Variants in ZNF878 observed in about 807,000 individuals in gnomAD.
ZNF878 encodes the protein zinc finger protein 878.
ZNF878 carries 10 observed loss-of-function variants against 11.1 expected under a neutral mutation model. The observed-to-expected ratio is 0.90, with a 90% CI of 0.56 to 1.53. The LOEUF (loss-of-function observed/expected upper bound fraction) is 1.53. ZNF878 is among the 40% of genes most tolerant of loss of function. ZNF878 has a pLI of 0.00. For synonymous variants in ZNF878, 165 were observed against 209.7 expected (o/e 0.79, Z 1.84); for missense variants, 548 against 626.1 (o/e 0.88, Z 1.33).
chr19:12,045,970 C>T lies in ZNF878; in HGVS notation c.191+398G>A, dbSNP rs140047206. The T allele has an allele frequency of 8.8e-3, 1,407 of 160,294 alleles. 14 individuals are homozygous for T. Among genetic ancestry groups the T allele is most frequent in the African/African-American group, 0.029 (1,215 of 41,694 alleles). The allele number at this position is 160,294 out of a possible 1,614,324, so 9.9% of individuals were successfully genotyped here. On this transcript the variant is annotated intron_variant, in intron 3 of 3. Coordinates refer to ENST00000547628, the MANE Select transcript of ZNF878 (RefSeq NM_001080404.3). The stretch of plus-strand genomic sequence containing the variant: ...TCTTGACCTCATGATCCACCCACCT[C>T]AGCCTTCCAAAGTGCTGGGATTACA...
At chr19:12,047,681 G>T (rs1056368681) in intron 1 of ZNF878, among the ~76,000 whole-genome samples, 6 of 152,028 alleles carry the variant, frequency 3.9e-5, no homozygotes, top group Non-Finnish European at 7.4e-5. Flanking sequence ...AACTGGGCTG[G>T]ACACAGTGGC....
At chr19:12,049,468 A>AAAAAAAAAAG in intron 1 of ZNF878, among the ~76,000 whole-genome samples, 2 of 146,874 alleles carry the variant, frequency 1.4e-5, no homozygotes, top group East Asian at 2.0e-4. Context: ...CTCAAAAAAA[A>AAAAAAAAAAG]AAAAAAAAAA....
At chr19:12,046,898 C>A in intron 1 of ZNF878, 138 bp from the exon 2 acceptor site, 1 of 1,308,890 alleles carries the variant, frequency 7.6e-7, no homozygotes, top group South Asian at 1.4e-5. Context: ...TCATCAGATC[C>A]CTTACTCTGT....
Position 12,044,929 on chromosome 19 carries a change from C to T in ZNF878, c.472G>A (p.Val158Ile), listed in dbSNP as rs1168872205. Residue 158 changes from valine (V) to isoleucine (I), a missense_variant, in exon 4 of 4, where the codon GTT becomes ATT. Physicochemically the swap from Val to Ile is conservative, Grantham distance 29 (BLOSUM62 3). Around this residue, in one of 3 missense-constraint regions of ZNF878, gnomAD observed 53 missense variants for 94.6 expected, o/e 0.56. Transcript: ENST00000547628. Reference sequence around the variant, plus strand: ...GAGTGGATTCTTTCATGTCTACGAACAGAACTGGGAAACCTGAATGCTTTC... The same window carrying T: ...GAGTGGATTCTTTCATGTCTACGAATAGAACTGGGAAACCTGAATGCTTTC... ...CGKAFRFPSS[V>I]RRHERIHSAK... 6.2e-7 allele frequency: 1 copy of T among 1,613,990 alleles called. No individual in the cohort carries two copies. Among genetic ancestry groups the T allele is most frequent in the East Asian group, 2.2e-5 (1 of 44,860 alleles).
At chr19:12,052,062 A>ATCCC (rs1301447679) in intron 1 of ZNF878, among the ~76,000 whole-genome samples, 1 of 152,138 alleles carries the variant, frequency 6.6e-6, no homozygotes, top group African/African-American at 2.4e-5. Context: ...CACCTACAGA[A>ATCCC]TCCCTCCACC....
chr19:12,047,189 G>C (rs1975501932), intron 1 of ZNF878, among the ~76,000 whole-genome samples: 1 of 152,184 alleles, frequency 6.6e-6, no homozygotes, highest in Admixed American at 6.5e-5. Flanking sequence ...TGACTAGAAA[G>C]TGGGTTTTCT....
At chr19:12,050,921 C>G (rs1363299976) in intron 1 of ZNF878, among the ~76,000 whole-genome samples, 4 of 151,356 alleles carry the variant, frequency 2.6e-5, no homozygotes, top group Non-Finnish European at 4.4e-5. Context: ...GGTGAAACCC[C>G]GTCTCTACTA....
rs757038638 is a variant in ZNF878 at position 12,045,127 on chromosome 19, G to C, written c.274C>G (p.Leu92Val). 1.2e-6 allele frequency: 2 copies of C among 1,613,154 alleles called. No homozygotes were observed. The highest frequency in any genetic ancestry group is 2.2e-5 in the East Asian group (1 of 44,878). Residue 92 changes from leucine (L) to valine (V), a missense_variant, in exon 4 of 4, where the codon CTG becomes GTG. Leu to Val is a conservative substitution (Grantham distance 32). This residue lies in a region of ZNF878 where 160 missense variants were observed against 173.3 expected (regional missense o/e 0.92). Transcript: ENST00000547628. ...TGTACTCCAGGAGTTTTCTTCTTCA[G>C]TGTGTCATCTGGAACCTGTGTCAAA... ...EVLTQVPDDT[L>V]KKKTPGVQSY...
chr19:12,048,335 C>T (rs1316771173), intron 1 of ZNF878, among the ~76,000 whole-genome samples: 1 of 150,570 alleles, frequency 6.6e-6, no homozygotes, highest in Non-Finnish European at 1.5e-5. Flanking sequence ...TGGCTAACAC[C>T]GTGAAACCGC....
chr19:12,050,886 A>G (rs1975543264), intron 1 of ZNF878, among the ~76,000 whole-genome samples: 1 of 150,366 alleles, frequency 6.7e-6, no homozygotes, highest in Non-Finnish European at 1.5e-5. Flanking sequence ...CGAGGTCAGG[A>G]GATCGAGACC....
In ZNF878 at chr19:12,050,150, G is replaced by A. The variant is rs1458856671; in HGVS notation, c.3+2649C>T. Among the ~76,000 whole-genome samples, 7 of 152,104 alleles carry A rather than the reference G, an allele frequency of 4.6e-5. No individual in the cohort carries two copies. The East Asian group carries it at 7.7e-4, about 17-fold the overall frequency. On this transcript the variant is annotated intron_variant, in intron 1 of 3. Coordinates refer to ENST00000547628, the MANE Select transcript of ZNF878 (RefSeq NM_001080404.3). ...TGAAGCAGGAGAATCGATTGAACCC[G>A]GGAGGTGGAGTTTGCAGTGAGCCAA...
rs1446384893 is a variant in ZNF878 at position 12,044,623 on chromosome 19, A to G, written c.778T>C (p.Cys260Arg). 15 of 1,613,986 alleles carry G rather than the reference A, an allele frequency of 9.3e-6. No individual in the cohort carries two copies. Among genetic ancestry groups the G allele is most frequent in the African/African-American group, 1.3e-5 (1 of 74,986 alleles). Residue 260 changes from cysteine (C) to arginine (R), a missense_variant, in exon 4 of 4, where the codon TGT becomes CGT. Coordinates refer to ENST00000547628, the MANE Select transcript of ZNF878 (RefSeq NM_001080404.3). ...TGEKRYKCKQ[C>R]DKAFNCPSSF... ...CTGGGACAATTGAAGGCTTTATCAC[A>G]TTGCTTGCATTTATAGCGTTTCTCT...
At chr19:12,051,707 A>G (rs1218970003) in intron 1 of ZNF878, among the ~76,000 whole-genome samples, 1 of 152,202 alleles carries the variant, frequency 6.6e-6, no homozygotes, top group Non-Finnish European at 1.5e-5. Context: ...GAGGAGTTCA[A>G]GACCAGCCTG....
chr19:12,049,889 G>T (rs1599391681), intron 1 of ZNF878, among the ~76,000 whole-genome samples: 1 of 151,946 alleles, frequency 6.6e-6, no homozygotes, highest in East Asian at 1.9e-4. Context: ...CCTGGGTGGT[G>T]TTCCCAAGTA....
At chr19:12,049,475 A>AAAAAAAAAAAAAAAAAAAAAAAAC in intron 1 of ZNF878, among the ~76,000 whole-genome samples, 1 of 148,068 alleles carries the variant, frequency 6.8e-6, no homozygotes, top group Non-Finnish European at 1.5e-5. Flanking sequence ...AAAAAAAAAA[A>AAAAAAAAAAAAAAAAAAAAAAAAC]AAAAAAGAAT....
At chr19:12,051,115 A>AAAAG (rs1975547251) in intron 1 of ZNF878, among the ~76,000 whole-genome samples, 1 of 109,776 alleles carries the variant, frequency 9.1e-6, no homozygotes, top group African/African-American at 8.7e-5. Context: ...AAAAAAAAAA[A>AAAAG]AAAGAAAAGA....
At chr19:12,046,825 A>G (rs1303207269) in intron 1 of ZNF878, 65 bp from the exon 2 acceptor site, 9 of 1,595,430 alleles carry the variant, frequency 5.6e-6, no homozygotes, top group African/African-American at 1.3e-5. Flanking sequence ...TCTATACCCT[A>G]TTCCTAGGAA....
intron 1 of ZNF878, among the ~76,000 whole-genome samples, chr19:12,047,627 A>G (rs1975507367): frequency 1.3e-5 from 2 of 152,088 alleles, no homozygotes; most frequent in African/African-American, 4.8e-5. Context: ...AAAACTCACA[A>G]AAAGAAACCT....
chr19:12,043,842 G>T lies in ZNF878; in HGVS notation c.1559C>A (p.Ser520Ter). 1 of 1,611,036 alleles carries T rather than the reference G, an allele frequency of 6.2e-7. No homozygotes were observed. Among genetic ancestry groups the T allele is most frequent in the Non-Finnish European group, 8.5e-7 (1 of 1,179,030 alleles). ...AGTCCTTACATGCTTTTGAAGGATT[G>T]AGGCAGATCTAAAGGCTTTACCACA... ...KQCGKAFRSA[S>*]ILQKHVRTHA... Residue 520 changes from serine to a stop codon, truncating the protein, a stop_gained, in exon 4 of 4, where the codon TCA becomes TAA. Coordinates refer to ENST00000547628, the MANE Select transcript of ZNF878 (RefSeq NM_001080404.3). LOFTEE classifies it low-confidence loss of function (END_TRUNC).
Sources: allele counts gnomAD v4.1 joint callset (sites outside exome capture counted in the v4.1 genomes callset), GRCh38; gene constraint gnomAD v4.1.1; regional missense constraint gnomAD v4.1.1; transcripts MANE v1.5; gene names NCBI Gene and HGNC (gene_info 2026-07-23, HGNC 2026-07-21).